FBN1: variants seen among roughly 807,000 people sequenced by gnomAD.
FBN1 encodes the protein fibrillin-1.
In FBN1, 29 loss-of-function variants were observed where a neutral mutation model predicts 365.1. The ratio of observed to expected loss-of-function variants is 0.08; its 90% CI spans 0.06 to 0.11. The LOEUF (loss-of-function observed/expected upper bound fraction) is 0.11, where lower values mean the gene tolerates loss of function less well. Ranked by LOEUF, FBN1 falls within the 10% of genes least tolerant of loss-of-function variation. FBN1 has a pLI of 1.00. For synonymous variants in FBN1, 1,210 were observed against 1,270.5 expected (o/e 0.95, Z 1.01); for missense variants, 2,476 against 3,703.2 (o/e 0.67, Z 8.60).
In FBN1 at chr15:48,428,875, T is replaced by C. The variant is rs138643685; in HGVS notation, c.6872-404A>G. On this transcript the variant is annotated intron_variant, in intron 56 of 65. Coordinates refer to ENST00000316623, the MANE Select transcript of FBN1 (RefSeq NM_000138.5). ...AAAATTAAAAAGGTACAAAAGGAGA[T>C]TCAGCAAAAGTACCCCCTTCATTTC... Among the ~76,000 whole-genome samples, 764 of 152,272 alleles carry C rather than the reference T, an allele frequency of 5.0e-3. 5 individuals carry two copies. The highest frequency in any genetic ancestry group is 0.018 in the African/African-American group (733 of 41,544).
rs147511977 is a variant in FBN1, at chr15:48,513,607, C to G, written c.1530G>C (p.Ser510=). The change falls in exon 13 of 66, where the codon TCG becomes TCC. Residue 510 remains serine (S), a synonymous_variant. Transcript: ENST00000316623. ...AGGECINNQG[S]YTCQCRAGYQ... ...ATCCAGCTCGGCACTGACAGGTGTACGAACCCTGGTTGTTAATACACTCAC... is the reference window on the plus strand; with the variant it reads ...ATCCAGCTCGGCACTGACAGGTGTAGGAACCCTGGTTGTTAATACACTCAC... 1 of 1,613,974 alleles carries G rather than the reference C, an allele frequency of 6.2e-7. No individual in the cohort carries two copies. The highest frequency in any genetic ancestry group is 1.7e-5 in the Admixed American group (1 of 60,006).
intron 5 of FBN1, among the ~76,000 whole-genome samples, chr15:48,598,939 G>C (rs2044536850): frequency 6.6e-6 from 1 of 152,182 alleles, no homozygotes; most frequent in African/African-American, 2.4e-5. Context: ...CACAAGATCT[G>C]ATGGTTATCA....
chr15:48,423,292 T>C (rs1018257944), intron 60 of FBN1, among the ~76,000 whole-genome samples: 1 of 152,246 alleles, frequency 6.6e-6, no homozygotes, highest in African/African-American at 2.4e-5. Flanking sequence ...GCTTTGCCAG[T>C]GACTGCTTCC....
chr15:48,460,346 G>A, intron 42 of FBN1, 29 bp from the exon 43 acceptor site: 3 of 1,406,648 alleles, frequency 2.1e-6, no homozygotes, highest in South Asian at 2.3e-5. Context: ...GGTGGGATGG[G>A]AGGATAGGGG....
chr15:48,596,521 A>G, intron 5 of FBN1, 143 bp from the exon 6 acceptor site: 2 of 744,326 alleles, frequency 2.7e-6, no homozygotes, highest in Non-Finnish European at 4.7e-6. Flanking sequence ...ACAGTTACAC[A>G]TACTCAGATA....
chr15:48,496,574 C>T (rs2043610849), intron 19 of FBN1, among the ~76,000 whole-genome samples: 3 of 151,776 alleles, frequency 2.0e-5, no homozygotes, highest in South Asian at 2.1e-4. Context: ...TTCATTTTGT[C>T]GAATTAAAAG....
chr15:48,451,090 T>C (rs2043197919), intron 45 of FBN1, among the ~76,000 whole-genome samples: 1 of 152,216 alleles, frequency 6.6e-6, no homozygotes, highest in African/African-American at 2.4e-5. Flanking sequence ...TTATGTATGA[T>C]AGTCTCCTAC....
chr15:48,412,562 G>A lies in FBN1; in HGVS notation c.8226+7C>T. 6.2e-7 allele frequency: 1 copy of A among 1,613,750 alleles called. No individual in the cohort carries two copies. The highest frequency in any genetic ancestry group is 8.5e-7 in the Non-Finnish European group (1 of 1,179,804). ...GAGACATCAGGAGAAACTAACTTCTGACCCACCTCGATATTGGAGGCATCA... is the reference window on the plus strand; with the variant it reads ...GAGACATCAGGAGAAACTAACTTCTAACCCACCTCGATATTGGAGGCATCA... On this transcript the variant is annotated splice_region_variant and intron_variant, in intron 65 of 65. Transcript: ENST00000316623.
intron 2 of FBN1, chr15:48,641,704 G>A (rs1227826926): frequency 6.6e-6 from 1 of 152,180 alleles, no homozygotes; most frequent in African/African-American, 2.4e-5. Context: ...TAGTCAAAGA[G>A]GTGAGTTTTG....
chr15:48,437,947 T>C (rs375999695), intron 50 of FBN1, 30 bp from the exon 51 acceptor site: 104 of 1,612,700 alleles, frequency 6.4e-5, no homozygotes, highest in Non-Finnish European at 7.7e-5. Context: ...CACCCTTCAG[T>C]TGCTTTCCTA....
intron 6 of FBN1, among the ~76,000 whole-genome samples, chr15:48,555,806 T>C (rs1473969426): frequency 2.0e-5 from 3 of 152,234 alleles, no homozygotes; most frequent in Admixed American, 2.0e-4. Flanking sequence ...TGAGCTCATG[T>C]GAAGTTAATT....
At chr15:48,436,787 A>G (rs575481636) in intron 53 of FBN1, among the ~76,000 whole-genome samples, 174 bp downstream of exon 53, 3 of 152,344 alleles carry the variant, frequency 2.0e-5, no homozygotes, top group East Asian at 1.9e-4. Context: ...AGCCTAGCAC[A>G]GTGCCTGGGA....
At chr15:48,645,287 C>A (rs1381622820) in intron 1 of FBN1, among the ~76,000 whole-genome samples, 2 of 152,160 alleles carry the variant, frequency 1.3e-5, no homozygotes, top group Admixed American at 6.5e-5. Flanking sequence ...ACGCCCCACT[C>A]CTCAGCCTGC....
At chr15:48,643,312 A>T (rs1366598783) in intron 2 of FBN1, 1 of 152,184 alleles carries the variant, frequency 6.6e-6, no homozygotes, top group Non-Finnish European at 1.5e-5. Flanking sequence ...TCCTTCCAAC[A>T]TTATCGGAAT....
intron 49 of FBN1, among the ~76,000 whole-genome samples, chr15:48,442,409 G>A (rs1481174951): frequency 6.6e-6 from 1 of 152,146 alleles, no homozygotes; most frequent in Non-Finnish European, 1.5e-5. Context: ...GCAAACTAAC[G>A]ATATCATAGA....
At chr15:48,610,957 T>A (rs554452072) in intron 3 of FBN1, 131 bp from the exon 4 acceptor site, 1 of 727,390 alleles carries the variant, frequency 1.4e-6, no homozygotes, top group African/African-American at 1.7e-5. Context: ...TTATATGACC[T>A]TAAGCCTCAG....
intron 45 of FBN1, among the ~76,000 whole-genome samples, chr15:48,451,472 C>T (rs574286875): frequency 6.6e-6 from 1 of 152,238 alleles, no homozygotes; most frequent in South Asian, 2.1e-4. Context: ...ATTCTCAATG[C>T]GATTTTTTTG....
At position 48,516,186 on chromosome 15, in the gene FBN1, G is replaced by A. The variant is rs750320579; in HGVS notation, c.1324C>T (p.Pro442Ser). ...TAGATGATTTTTGAATTCTTACTTGGTGGCTCCCGAGATGGATACAGATAT... is the reference window on the plus strand; with the variant it reads ...TAGATGATTTTTGAATTCTTACTTGATGGCTCCCGAGATGGATACAGATAT... The part of the protein sequence containing the change: ...VEYLYPSREP[P>S]RVLPVNVTDY... Residue 442 changes from proline (P) to serine (S), a missense_variant, in exon 11 of 66, where the codon CCA (proline) becomes TCA (serine). By Grantham distance (74) the Pro-to-Ser change is moderately conservative. This residue lies in a region of FBN1 where 421 missense variants were observed against 520.1 expected (regional missense o/e 0.81). Coordinates refer to ENST00000316623, the MANE Select transcript of FBN1 (RefSeq NM_000138.5). 2 of 1,613,534 alleles carry A rather than the reference G, an allele frequency of 1.2e-6. No homozygotes were observed. Among genetic ancestry groups the A allele is most frequent in the African/African-American group, 1.3e-5 (1 of 74,864 alleles).
chr15:48,530,382 T>C (rs962335643), intron 8 of FBN1, among the ~76,000 whole-genome samples: 15 of 152,330 alleles, frequency 9.8e-5, no homozygotes, highest in Admixed American at 2.0e-4. Flanking sequence ...ATTCTGGAAC[T>C]GGAAAGAACC....
Sources: gnomAD v4.1 joint callset for allele counts (sites outside exome capture counted in the v4.1 genomes callset) on GRCh38, gnomAD v4.1.1 for gene constraint, gnomAD v4.1.1 regional missense constraint, MANE v1.5 for transcripts, NCBI Gene and HGNC (gene_info 2026-07-23, HGNC 2026-07-21) for gene names.